ERI1: variants seen among roughly 807,000 people sequenced by gnomAD.
The protein encoded by ERI1 is exoribonuclease 1.
Under a neutral mutation model 39.7 loss-of-function variants are expected in ERI1, and 39 were observed. That is an observed-to-expected ratio of 0.98 (90% CI 0.76 to 1.28). ERI1 has a LOEUF of 1.28. ERI1 is among the 50% of genes most tolerant of loss of function. The pLI is 0.00. For synonymous variants in ERI1, 204 were observed against 149.6 expected (o/e 1.36, Z -2.65); for missense variants, 581 against 416.9 (o/e 1.39, Z -3.43).
rs541063470 is a variant in ERI1 at position 9,029,479 on chromosome 8, C to T, written c.808-313C>T. On this transcript the variant is annotated intron_variant, in intron 6 of 6. Coordinates refer to ENST00000250263, the MANE Select transcript of ERI1 (RefSeq NM_153332.4). ...AGGTAGCTGGCATTACAGATGTGCACCACCACGCCTGGCTAATTTTTTTGT... is the reference window on the plus strand; with the variant it reads ...AGGTAGCTGGCATTACAGATGTGCATCACCACGCCTGGCTAATTTTTTTGT... Among the ~76,000 whole-genome samples, 3 of 152,232 alleles carry T rather than the reference C, an allele frequency of 2.0e-5. 1 individual carries two copies. The highest frequency in any genetic ancestry group is 7.2e-5 in the African/African-American group (3 of 41,530).
downstream of ERI1, among the ~76,000 whole-genome samples, chr8:9,034,133 G>A (rs1409826234): frequency 6.6e-6 from 1 of 152,256 alleles, no homozygotes; most frequent in Non-Finnish European, 1.5e-5. Context: ...CTGATGAAGA[G>A]TTGGAAGTAC....
intron 3 of ERI1, among the ~76,000 whole-genome samples, chr8:9,075,991 A>C (rs1799199365): frequency 6.6e-6 from 1 of 152,022 alleles, no homozygotes; most frequent in Admixed American, 6.6e-5. Flanking sequence ...GCAGTGGCAC[A>C]ATCATGCAAT....
intron 5 of ERI1, among the ~76,000 whole-genome samples, chr8:9,019,464 C>T (rs1320068911): frequency 1.3e-5 from 2 of 152,138 alleles, no homozygotes; most frequent in South Asian, 2.1e-4. Context: ...ACAGGTGTTT[C>T]TGCTGTAGTA....
rs1815524910 is a variant in ERI1, at chr8:9,002,960, G to T, written c.-104G>T. ...TGTGGCCGCCGCCGCGGGAACGCGA[G>T]CCCGGTAATTTTTCAACGGAGAAAG... is the stretch of plus-strand genomic sequence containing the variant. On this transcript the variant is annotated 5_prime_UTR_variant, in exon 1 of 7. Transcript: ENST00000250263. 8.3e-6 allele frequency: 7 copies of T among 840,040 alleles called. No homozygotes were observed. The highest frequency in any genetic ancestry group is 9.6e-6 in the Non-Finnish European group (6 of 627,890). The allele number at this position is 840,040 out of a possible 1,614,324, so 52.0% of individuals were successfully genotyped here.
At chr8:9,007,039 A>G (rs1816094366) in intron 1 of ERI1, among the ~76,000 whole-genome samples, 1 of 152,244 alleles carries the variant, frequency 6.6e-6, no homozygotes, top group East Asian at 1.9e-4. Flanking sequence ...TTTCAAAATT[A>G]TGGAACATAG....
chr8:9,051,173 A>AATAT (rs771269168), intron 3 of ERI1, among the ~76,000 whole-genome samples: 4 of 150,514 alleles, frequency 2.7e-5, no homozygotes, highest in African/African-American at 7.3e-5. Context: ...TGTATATATG[A>AATAT]ATATATATAT....
At chr8:9,065,448 C>T (rs1401661933) in intron 3 of ERI1, among the ~76,000 whole-genome samples, 1 of 152,108 alleles carries the variant, frequency 6.6e-6, no homozygotes, top group Non-Finnish European at 1.5e-5. Flanking sequence ...GTAATCCCAG[C>T]ACTTTGGGAG....
rs1797708632 is a variant in ERI1 at position 9,033,188 on chromosome 8, C to CA, written c.*3155dup. Reference sequence around the variant, plus strand: ...TCTAGAGCAGGGGTCAGCAAACTACCACCCATGGGCCAAATCTGGCTGCTG... The same window carrying CA: ...TCTAGAGCAGGGGTCAGCAAACTACCAACCCATGGGCCAAATCTGGCTGCTG... On this transcript the variant is annotated 3_prime_UTR_variant, in exon 7 of 7. Transcript: ENST00000250263. The CA allele has an allele frequency of 1.5e-5, 1 of 65,748 alleles. No individual in the cohort carries two copies. The highest frequency in any genetic ancestry group is 7.0e-4 in the South Asian group (1 of 1,428). The allele number at this position is 65,748 out of a possible 1,614,324, so 4.1% of individuals were successfully genotyped here.
At position 9,002,990 on chromosome 8, in the gene ERI1, G is replaced by C. The variant is rs985367868; in HGVS notation, c.-74G>C. On this transcript the variant is annotated 5_prime_UTR_variant, in exon 1 of 7. Coordinates refer to ENST00000250263, the MANE Select transcript of ERI1 (RefSeq NM_153332.4). Reference sequence around the variant, plus strand: ...GTAATTTTTCAACGGAGAAAGGCGAGGCTTTCGGGCTCTGCAGAGTGAGAG... The same window carrying C: ...GTAATTTTTCAACGGAGAAAGGCGACGCTTTCGGGCTCTGCAGAGTGAGAG... The C allele has an allele frequency of 2.9e-6, 3 of 1,042,148 alleles. No individual in the cohort carries two copies. Among genetic ancestry groups the C allele is most frequent in the Non-Finnish European group, 3.7e-6 (3 of 807,282 alleles). 64.6% of individuals were successfully genotyped at this position (1,042,148 alleles called of 1,614,324 possible). A position where few individuals can be genotyped will look rare whatever the true frequency, so the allele number is the denominator to read the frequency against.
chr8:9,038,301 T>G (rs73197712), downstream of ERI1, among the ~76,000 whole-genome samples: 20,886 of 152,190 alleles, frequency 0.14, 1,555 homozygotes, highest in Middle Eastern at 0.16. Context: ...TTCCATAGTT[T>G]CAGTTACCCA....
chr8:9,030,888 G>C lies in ERI1; in HGVS notation c.*854G>C, dbSNP rs1022750165. The C allele has an allele frequency of 3.3e-5, 5 of 152,088 alleles. No homozygotes were observed. Among genetic ancestry groups the C allele is most frequent in the Non-Finnish European group, 7.4e-5 (5 of 67,988 alleles). The allele number at this position is 152,088 out of a possible 1,614,324, so 9.4% of individuals were successfully genotyped here. On this transcript the variant is annotated 3_prime_UTR_variant, in exon 7 of 7. Transcript: ENST00000250263. ...CAGTATCGTAAGTGAGGTTAATAAA[G>C]TCAATACTTTCTACCATATATTACG...
chr8:9,092,274 G>A (rs11778592), intron 3 of ERI1, among the ~76,000 whole-genome samples: 28,867 of 152,062 alleles, frequency 0.19, 3,111 homozygotes, highest in African/African-American at 0.27. Context: ...GTGTTTCAGC[G>A]ATGGCATCCC....
chr8:9,020,022 C>T (rs1027892208), intron 5 of ERI1, among the ~76,000 whole-genome samples: 2 of 152,098 alleles, frequency 1.3e-5, no homozygotes, highest in Admixed American at 6.5e-5. Flanking sequence ...AGCATGCTGT[C>T]AACTTACCAT....
chr8:9,089,508 C>A (rs1001695823), intron 3 of ERI1, among the ~76,000 whole-genome samples: 1 of 152,178 alleles, frequency 6.6e-6, no homozygotes, highest in African/African-American at 2.4e-5. Context: ...TGGTGGTTCA[C>A]TGTGGTCCCC....
intron 3 of ERI1, among the ~76,000 whole-genome samples, chr8:9,014,109 A>C (rs762887905): frequency 1.6e-4 from 24 of 152,270 alleles, no homozygotes; most frequent in Middle Eastern, 3.4e-3. Flanking sequence ...TATTCCTTAC[A>C]TGACCTGGCC....
Position 9,031,347 on chromosome 8 carries a change from T to C in ERI1, c.*1313T>C, listed in dbSNP as rs1474377396. The C allele has an allele frequency of 6.6e-6, 1 of 152,240 alleles. No homozygotes were observed. The highest frequency in any genetic ancestry group is 1.5e-5 in the Non-Finnish European group (1 of 68,036). 9.4% of individuals were successfully genotyped at this position (152,240 alleles called of 1,614,324 possible). ...AGTAGATTTCTTAAGCCAATGAATT[T>C]CTGCTTTTCAGCAGTAGTCATATAA... On this transcript the variant is annotated 3_prime_UTR_variant, in exon 7 of 7. Transcript: ENST00000250263.
Position 9,029,856 on chromosome 8 carries a change from G to A in ERI1, c.872G>A (p.Arg291Gln), listed in dbSNP as rs772848272. The change falls in exon 7 of 7, where the codon CGG (arginine) becomes CAG (glutamine). Residue 291 changes from arginine (R) to glutamine (Q), a missense_variant. Physicochemically the swap from Arg to Gln is conservative, Grantham distance 43. Transcript: ENST00000250263. ...LEKLGMDYDG[R>Q]PHCGLDDSKN... Reference sequence around the variant, plus strand: ...AAATTAGGAATGGATTATGATGGGCGGCCTCACTGTGGTCTTGATGACTCT... The same window carrying A: ...AAATTAGGAATGGATTATGATGGGCAGCCTCACTGTGGTCTTGATGACTCT... The A allele has an allele frequency of 8.7e-6, 14 of 1,613,984 alleles. No individual in the cohort carries two copies. Among genetic ancestry groups the A allele is most frequent in the Admixed American group, 5.0e-5 (3 of 59,998 alleles).
At chr8:9,080,144 G>T (rs1041168090) in intron 3 of ERI1, among the ~76,000 whole-genome samples, 3 of 152,170 alleles carry the variant, frequency 2.0e-5, no homozygotes, top group Non-Finnish European at 2.9e-5. Context: ...GGCATTATTA[G>T]GTTATTTTAC....
chr8:9,064,417 G>A (rs776930526), intron 3 of ERI1, among the ~76,000 whole-genome samples: 7 of 152,136 alleles, frequency 4.6e-5, no homozygotes, highest in South Asian at 2.1e-4. Context: ...TCAGAGAGGC[G>A]TCCCTACAAT....
Sources: allele counts gnomAD v4.1 joint callset (sites outside exome capture counted in the v4.1 genomes callset), GRCh38; gene constraint gnomAD v4.1.1; transcripts MANE v1.5; gene names NCBI Gene and HGNC (gene_info 2026-07-23, HGNC 2026-07-21).